Variants in ATG4A observed in about 807,000 individuals in gnomAD.
ATG4A encodes the protein autophagy related 4A cysteine peptidase, also known as cysteine protease ATG4A.
ATG4A carries 22 observed loss-of-function variants against 38.4 expected under a neutral mutation model. The ratio of observed to expected loss-of-function variants is 0.57; its 90% CI spans 0.41 to 0.82. The LOEUF (loss-of-function observed/expected upper bound fraction) is 0.82, where lower values mean the gene tolerates loss of function less well. Ranked by LOEUF, ATG4A falls within the 40% of genes least tolerant of loss-of-function variation. The probability of loss-of-function intolerance (pLI) is 0.00; values close to 1 mark genes in which losing one functional copy is unlikely to be tolerated. For synonymous variants in ATG4A, 86 were observed against 100.7 expected (o/e 0.85, Z 0.88); for missense variants, 220 against 290.0 (o/e 0.76, Z 1.75).
At chrX:108,133,757 G>T (rs2033024255) in intron 4 of ATG4A, among the ~76,000 whole-genome samples, 2 of 112,163 alleles carry the variant, frequency 1.8e-5, no homozygotes, top group African/African-American at 6.5e-5. Flanking sequence ...GGCCAGAAAG[G>T]CCTTTGTGAC....
intron 1 of ATG4A, among the ~76,000 whole-genome samples, chrX:108,102,834 T>C (rs918519598): frequency 9.0e-6 from 1 of 110,612 alleles, no homozygotes; most frequent in African/African-American, 3.3e-5. Context: ...CCCTTTTTTT[T>C]TCAAAAACTT....
In ATG4A at chrX:108,112,904, AT is replaced by A. The variant is rs757846574; in HGVS notation, c.11-13164del. Among the ~76,000 whole-genome samples the A allele has an allele frequency of 7.5e-3, 817 of 108,759 alleles. 5 individuals are homozygous for A. Among genetic ancestry groups the A allele is most frequent in the African/African-American group, 0.026 (769 of 29,840 alleles). 94.4% of individuals were successfully genotyped at this position (108,759 alleles called of 115,157 possible). A position where few individuals can be genotyped will look rare whatever the true frequency, so the allele number is the denominator to read the frequency against. On this transcript the variant is annotated intron_variant, in intron 1 of 12. Coordinates refer to ENST00000372232, the MANE Select transcript of ATG4A (RefSeq NM_052936.5). ...TGGGAAACCATACTAGGTTTTTATG[AT>A]TTTTTTTTATCTCTTTTCTTGTCTT...
intron 1 of ATG4A, among the ~76,000 whole-genome samples, chrX:108,092,269 C>G (rs977458679): frequency 8.9e-6 from 1 of 111,840 alleles, no homozygotes; most frequent in Non-Finnish European, 1.9e-5. Context: ...GAGTCCATAG[C>G]CTGGTGACAT....
chrX:108,091,952 G>A (rs772423343), intron 1 of ATG4A, 116 bp downstream of exon 1: 1 of 1,116,982 alleles, frequency 9.0e-7, no homozygotes, highest in Non-Finnish European at 1.2e-6. Flanking sequence ...AGTTATGAGA[G>A]CCTAAAGGTC....
intron 1 of ATG4A, among the ~76,000 whole-genome samples, chrX:108,106,148 T>C (rs981629805): frequency 4.5e-5 from 5 of 111,537 alleles, no homozygotes; most frequent in Non-Finnish European, 7.5e-5. Context: ...GTATTTTTTT[T>C]TTTTACTTCC....
At chrX:108,144,860 G>T (rs765847801) in intron 9 of ATG4A, among the ~76,000 whole-genome samples, 1 of 112,038 alleles carries the variant, frequency 8.9e-6, no homozygotes, top group Admixed American at 9.4e-5. Flanking sequence ...ACATATGGCC[G>T]TTTCTCCTTC....
At chrX:108,139,685 A>T (rs750174923) in intron 9 of ATG4A, among the ~76,000 whole-genome samples, 1 of 113,046 alleles carries the variant, frequency 8.8e-6, no homozygotes, top group African/African-American at 3.2e-5. Flanking sequence ...TGCAAAAAAT[A>T]GATTTCCAGT....
chrX:108,091,857 T>C, intron 1 of ATG4A, 21 bp downstream of exon 1: 2 of 1,210,310 alleles, frequency 1.7e-6, no homozygotes, highest in East Asian at 3.0e-5. Context: ...CGGCTTTGAG[T>C]GGAACCGTGT....
chrX:108,144,121 G>A (rs1291015220), intron 9 of ATG4A, among the ~76,000 whole-genome samples: 2 of 109,925 alleles, frequency 1.8e-5, no homozygotes, highest in Non-Finnish European at 3.8e-5. Context: ...AAGGCTGATG[G>A]GGAACATGGT....
rs750089070 is a variant in ATG4A at position 108,108,410 on chromosome X, A to T, written c.10+16574A>T. 2.7e-5 allele frequency among the ~76,000 whole-genome samples: 3 copies of T among 109,264 alleles called. No homozygotes were observed. The South Asian group carries it at 1.2e-3, about 43-fold the overall frequency. 94.9% of individuals were successfully genotyped at this position (109,264 alleles called of 115,157 possible). A position where few individuals can be genotyped will look rare whatever the true frequency, so the allele number is the denominator to read the frequency against. On this transcript the variant is annotated intron_variant, in intron 1 of 12. Transcript: ENST00000372232. ...TAATGTCCAGTGTTTTTAGATATAG[A>T]GGGATAAATAGGGGAAAGTGCATCT...
Position 108,150,314 on chromosome X carries a change from T to G in ATG4A, c.960+17T>G. The G allele has an allele frequency of 8.3e-7, 1 of 1,211,326 alleles. No individual in the cohort carries two copies. The highest frequency in any genetic ancestry group is 1.1e-6 in the Non-Finnish European group (1 of 895,183). On this transcript the variant is annotated intron_variant, in intron 10 of 12. Coordinates refer to ENST00000372232, the MANE Select transcript of ATG4A (RefSeq NM_052936.5). ...GTTGCATTGGTGGGTATTCGTAGGT[T>G]GGGTGGGCCAGGAGATACGATGTGT...
chrX:108,121,922 A>T, intron 1 of ATG4A, among the ~76,000 whole-genome samples: 1 of 112,110 alleles, frequency 8.9e-6, no homozygotes, highest in South Asian at 3.7e-4. Flanking sequence ...TGTTGTCCCA[A>T]GTTCTTTAAG....
chrX:108,142,479 A>ATGTGTG (rs1161661561), intron 9 of ATG4A, among the ~76,000 whole-genome samples: 1 of 109,354 alleles, frequency 9.1e-6, no homozygotes, highest in African/African-American at 3.3e-5. Flanking sequence ...GAATATATAT[A>ATGTGTG]TGTGTGTGTG....
chrX:108,144,041 C>G (rs1321440354), intron 9 of ATG4A, among the ~76,000 whole-genome samples: 1 of 112,190 alleles, frequency 8.9e-6, no homozygotes, highest in East Asian at 2.8e-4. Flanking sequence ...AATGAGCTCA[C>G]TGCCACACTT....
chrX:108,094,674 A>G (rs775247236), intron 1 of ATG4A, among the ~76,000 whole-genome samples: 3 of 112,405 alleles, frequency 2.7e-5, no homozygotes, highest in Non-Finnish European at 5.6e-5. Context: ...ATCATACACT[A>G]TCCTCAAACA....
intron 4 of ATG4A, among the ~76,000 whole-genome samples, chrX:108,131,823 C>T (rs752662582): frequency 1.8e-5 from 2 of 111,933 alleles, no homozygotes; most frequent in Admixed American, 1.9e-4. Context: ...GGATGTCCAG[C>T]TGATGATGAA....
At chrX:108,149,980 G>T in intron 9 of ATG4A, 172 bp from the exon 10 acceptor site, 1 of 468,229 alleles carries the variant, frequency 2.1e-6, no homozygotes, top group Non-Finnish European at 3.6e-6. Flanking sequence ...GATAAGATTT[G>T]GGCGCAAGTG....
intron 1 of ATG4A, among the ~76,000 whole-genome samples, chrX:108,097,765 A>T (rs1393127372): frequency 8.9e-6 from 1 of 112,253 alleles, no homozygotes; most frequent in African/African-American, 3.2e-5. Context: ...AGTTGCAGGA[A>T]CAGGTTCTGG....
intron 1 of ATG4A, among the ~76,000 whole-genome samples, chrX:108,115,315 C>T (rs770021424): frequency 9.0e-6 from 1 of 110,954 alleles, no homozygotes; most frequent in South Asian, 3.8e-4. Flanking sequence ...GTAAAATGCA[C>T]AAATTTTAAG....
Sources: gnomAD v4.1 joint callset for allele counts (sites outside exome capture counted in the v4.1 genomes callset) on GRCh38, gnomAD v4.1.1 for gene constraint, MANE v1.5 for transcripts, NCBI Gene and HGNC (gene_info 2026-07-23, HGNC 2026-07-21) for gene names.